SORCS2: variants seen among roughly 807,000 people sequenced by gnomAD.
The protein encoded by SORCS2 is sortilin related VPS10 domain containing receptor 2.
Under a neutral mutation model 141.6 loss-of-function variants are expected in SORCS2, and 100 were observed. The ratio of observed to expected loss-of-function variants is 0.71; its 90% CI spans 0.60 to 0.83. SORCS2 has a LOEUF of 0.83. Ranked by LOEUF, SORCS2 falls within the 40% of genes least tolerant of loss-of-function variation. The probability of loss-of-function intolerance (pLI) is 0.00; values close to 1 mark genes in which losing one functional copy is unlikely to be tolerated. For missense variants in SORCS2, 1,646 were observed against 1,560.2 expected (o/e 1.05, Z -0.93); for synonymous variants, 789 against 676.9 (o/e 1.17, Z -2.57).
intron 1 of SORCS2, chr4:7,382,082 G>A (rs1207944993): frequency 1.4e-6 from 1 of 692,126 alleles, no homozygotes; most frequent in Non-Finnish European, 1.8e-6. Context: ...GGGGCTCCAA[G>A]GCCTCCAGAA....
chr4:7,655,032 G>T (rs1721671854), intron 5 of SORCS2, among the ~76,000 whole-genome samples: 1 of 152,174 alleles, frequency 6.6e-6, no homozygotes, highest in African/African-American at 2.4e-5. Context: ...ATGAGGGCTT[G>T]CCCAGGGTCT....
At chr4:7,331,116 G>A (rs969792122) in intron 1 of SORCS2, among the ~76,000 whole-genome samples, 10 of 152,174 alleles carry the variant, frequency 6.6e-5, no homozygotes, top group Non-Finnish European at 1.5e-4. Flanking sequence ...GCGAGAGGCT[G>A]GGGGTGGGGA....
chr4:7,416,167 G>A (rs918392719), intron 2 of SORCS2, among the ~76,000 whole-genome samples: 6 of 152,184 alleles, frequency 3.9e-5, no homozygotes, highest in African/African-American at 1.4e-4. Context: ...TGTAGGTGAT[G>A]GGGAGTTAGG....
intron 1 of SORCS2, among the ~76,000 whole-genome samples, chr4:7,321,639 G>C (rs562373471): frequency 6.6e-6 from 1 of 152,366 alleles, no homozygotes; most frequent in Non-Finnish European, 1.5e-5. Context: ...AGAGAATTCT[G>C]AGTGGGCACA....
chr4:7,457,224 A>C (rs1728971699), intron 2 of SORCS2, among the ~76,000 whole-genome samples: 1 of 152,322 alleles, frequency 6.6e-6, no homozygotes, highest in East Asian at 1.9e-4. Context: ...GCCGCCATGC[A>C]CTGGACCTGA....
intron 1 of SORCS2, among the ~76,000 whole-genome samples, chr4:7,196,219 A>C (rs1012815551): frequency 2.0e-5 from 3 of 152,158 alleles, no homozygotes; most frequent in African/African-American, 7.2e-5. Flanking sequence ...TTTCATTGAA[A>C]CCAAGAGGTA....
At chr4:7,633,803 G>GT (rs1349872054) in intron 3 of SORCS2, among the ~76,000 whole-genome samples, 9 of 59,450 alleles carry the variant, frequency 1.5e-4, no homozygotes, top group Admixed American at 2.2e-4. Flanking sequence ...TGTCCGTCAG[G>GT]CGGGATTAAC....
chr4:7,423,185 T>C (rs1402839454), intron 2 of SORCS2, among the ~76,000 whole-genome samples: 1 of 152,196 alleles, frequency 6.6e-6, no homozygotes, highest in African/African-American at 2.4e-5. Context: ...CCGTGCTGTT[T>C]TCTCTTCATT....
At chr4:7,620,495 CA>C (rs1719093632) in intron 3 of SORCS2, among the ~76,000 whole-genome samples, 1 of 152,204 alleles carries the variant, frequency 6.6e-6, no homozygotes, top group South Asian at 2.1e-4. Flanking sequence ...GGGGAGGGTG[CA>C]ACTTCCCAGG....
At chr4:7,358,582 C>T (rs115538873) in intron 1 of SORCS2, among the ~76,000 whole-genome samples, 127 of 152,314 alleles carry the variant, frequency 8.3e-4, no homozygotes, top group African/African-American at 3.0e-3. Context: ...TGAAGTATTG[C>T]GCCTTTGACC....
At chr4:7,680,955 C>T (rs1723489257) in intron 9 of SORCS2, among the ~76,000 whole-genome samples, 1 of 152,298 alleles carries the variant, frequency 6.6e-6, no homozygotes, top group East Asian at 1.9e-4. Context: ...TTTCCCAGCT[C>T]CACAGATGGA....
chr4:7,359,755 T>G (rs1475400304), intron 1 of SORCS2, among the ~76,000 whole-genome samples: 1 of 152,200 alleles, frequency 6.6e-6, no homozygotes, highest in Non-Finnish European at 1.5e-5. Flanking sequence ...GGGATTAAAA[T>G]CAGGTCAACA....
chr4:7,642,232 C>G (rs1720797176), intron 4 of SORCS2, among the ~76,000 whole-genome samples: 1 of 152,238 alleles, frequency 6.6e-6, no homozygotes, highest in Admixed American at 6.5e-5. Context: ...GCCTCCTGGG[C>G]TACCTCTTTG....
chr4:7,530,981 G>T (rs193115631), intron 2 of SORCS2, among the ~76,000 whole-genome samples: 11 of 152,288 alleles, frequency 7.2e-5, no homozygotes, highest in Non-Finnish European at 4.4e-5. Flanking sequence ...CTACCATCCT[G>T]TGCTGCAGGT....
chr4:7,739,383 C>T (rs550718773), intron 26 of SORCS2, among the ~76,000 whole-genome samples: 7 of 152,300 alleles, frequency 4.6e-5, no homozygotes, highest in Admixed American at 1.3e-4. Context: ...CACAGGGTCT[C>T]AGGAAGACAG....
intron 9 of SORCS2, among the ~76,000 whole-genome samples, chr4:7,677,870 C>T (rs1410440558): frequency 6.6e-6 from 1 of 152,182 alleles, no homozygotes; most frequent in Non-Finnish European, 1.5e-5. Context: ...CCCCTAGTGT[C>T]CCAAAGGCCC....
At position 7,372,758 on chromosome 4, in the gene SORCS2, C is replaced by T. The variant is rs147405787; in HGVS notation, c.481-23530C>T. Among the ~76,000 whole-genome samples the T allele has an allele frequency of 1.1e-4, 16 of 152,274 alleles. No homozygotes were observed. The East Asian group carries it at 3.1e-3, about 29-fold the overall frequency. On this transcript the variant is annotated intron_variant, in intron 1 of 26. Transcript: ENST00000507866. ...GTGGTCAACGCCCCCACCCCCAAGCCCTGGACCCCCTGAGTCTGTTTTCCG... is the reference window on the plus strand; with the variant it reads ...GTGGTCAACGCCCCCACCCCCAAGCTCTGGACCCCCTGAGTCTGTTTTCCG...
chr4:7,438,724 T>TA (rs918583348), intron 2 of SORCS2, among the ~76,000 whole-genome samples: 5 of 152,102 alleles, frequency 3.3e-5, no homozygotes, highest in South Asian at 2.1e-4. Context: ...TATGTTTTTT[T>TA]AAAAAAAGTT....
At position 7,733,374 on chromosome 4, in the gene SORCS2, T is replaced by G; in HGVS notation, c.3161T>G (p.Leu1054Arg). ...VLNAQKISFL[L>R]RGGVRVLVAL... ...AACGCACAGAAGATCAGCTTCCTCC[T>G]GCGAGGCGGAGTCCGGGTCCTGGTG... is the stretch of plus-strand genomic sequence containing the variant. Residue 1054 changes from leucine (L) to arginine (R), a missense_variant, in exon 24 of 27, where the codon CTG (leucine) becomes CGG (arginine). Leu to Arg is a moderately radical substitution (Grantham distance 102). Coordinates refer to ENST00000507866, the MANE Select transcript of SORCS2 (RefSeq NM_020777.3). 1 of 1,588,492 alleles carries G rather than the reference T, an allele frequency of 6.3e-7. No homozygotes were observed. The highest frequency in any genetic ancestry group is 1.2e-5 in the South Asian group (1 of 86,646).
Sources: allele counts gnomAD v4.1 joint callset (sites outside exome capture counted in the v4.1 genomes callset), GRCh38; gene constraint gnomAD v4.1.1; transcripts MANE v1.5; gene names NCBI Gene and HGNC (gene_info 2026-07-23, HGNC 2026-07-21).